TTC21B: variants seen among roughly 807,000 people sequenced by gnomAD.
TTC21B encodes the protein tetratricopeptide repeat domain 21B.
In TTC21B, 127 loss-of-function variants were observed where a neutral mutation model predicts 175.1. The observed-to-expected ratio is 0.73, with a 90% CI of 0.63 to 0.84. TTC21B has a LOEUF of 0.84. TTC21B is among the 40% of genes least tolerant of loss of function. TTC21B has a pLI of 0.00. For synonymous variants in TTC21B, 524 were observed against 524.5 expected (o/e 1.00, Z 0.01); for missense variants, 1,561 against 1,558.3 (o/e 1.00, Z -0.03).
intron 22 of TTC21B, among the ~76,000 whole-genome samples, chr2:165,896,448 A>G (rs1171637544): frequency 6.6e-6 from 1 of 152,084 alleles, no homozygotes; most frequent in Admixed American, 6.6e-5. Flanking sequence ...TGATGCTTCC[A>G]TTCTATGATT....
chr2:165,918,478 G>A (rs1686265032), intron 13 of TTC21B, among the ~76,000 whole-genome samples: 1 of 152,106 alleles, frequency 6.6e-6, no homozygotes, highest in Non-Finnish European at 1.5e-5. Context: ...TGTATTTTTA[G>A]TAGCGACGGG....
intron 3 of TTC21B, chr2:165,948,595 C>T (rs1687660909): frequency 6.6e-6 from 1 of 152,220 alleles, no homozygotes; most frequent in Non-Finnish European, 1.5e-5. Flanking sequence ...ATCCTATTAG[C>T]TGTTACTGGA....
intron 27 of TTC21B, among the ~76,000 whole-genome samples, chr2:165,878,162 T>A (rs908421925): frequency 3.9e-5 from 6 of 152,156 alleles, no homozygotes; most frequent in Non-Finnish European, 7.4e-5. Context: ...CCACAAAATA[T>A]TAGCATTTTT....
chr2:165,943,284 T>A lies in TTC21B; in HGVS notation c.487A>T (p.Lys163Ter). The change falls in exon 5 of 29, where the codon AAA (lysine) becomes TAA (stop). Residue 163 changes from lysine to a stop codon, truncating the protein, a stop_gained. Coordinates refer to ENST00000243344, the MANE Select transcript of TTC21B (RefSeq NM_024753.5). LOFTEE classifies it high-confidence loss of function. ...CCCTCTTCAAAATACTTCAGTGCTT[T>A]TTTAGTGTAAGGCTCTTTTCCTCTT... ...ITRGKEPYTK[K>*]ALKYFEEGLQ... 1 of 1,612,758 alleles carries A rather than the reference T, an allele frequency of 6.2e-7. No individual in the cohort carries two copies. The highest frequency in any genetic ancestry group is 8.5e-7 in the Non-Finnish European group (1 of 1,178,768).
intron 20 of TTC21B, 127 bp downstream of exon 20, chr2:165,901,595 T>G (rs1441698496): frequency 4.5e-6 from 4 of 894,910 alleles, no homozygotes; most frequent in Non-Finnish European, 7.3e-6. Flanking sequence ...AGGGCTGGGA[T>G]TATAGGCATC....
At chr2:165,915,572 A>G (rs1250716616) in intron 14 of TTC21B, 133 bp from the exon 15 acceptor site, 14 of 878,526 alleles carry the variant, frequency 1.6e-5, no homozygotes, top group African/African-American at 3.4e-5. Context: ...AATTGATAGA[A>G]TTTTCTGAAA....
In TTC21B at chr2:165,883,851, T is replaced by C. The variant is rs960827061; in HGVS notation, c.3627A>G (p.Gln1209=). 3 of 1,614,018 alleles carry C rather than the reference T, an allele frequency of 1.9e-6. No homozygotes were observed. Among genetic ancestry groups the C allele is most frequent in the African/African-American group, 1.3e-5 (1 of 74,934 alleles). ...SWLLLADIYI[Q]SAKYDMAEDL... ...CTTCTGCCATGTCATATTTTGCTGA[T>C]TGAATGTAAATATCAGCAAGTAGCA... The change falls in exon 26 of 29, where the codon CAA becomes CAG. Residue 1209 remains glutamine (Q), a synonymous_variant. Transcript: ENST00000243344.
intron 6 of TTC21B, among the ~76,000 whole-genome samples, chr2:165,937,704 A>G (rs1316007308): frequency 6.6e-6 from 1 of 150,490 alleles, no homozygotes; most frequent in East Asian, 2.0e-4. Context: ...TTAAAAGTAC[A>G]TTATGAGTCT....
At chr2:165,890,403 T>A in intron 24 of TTC21B, 76 bp downstream of exon 24, 1 of 1,397,126 alleles carries the variant, frequency 7.2e-7, no homozygotes, top group Non-Finnish European at 1.0e-6. Context: ...CTAAATTTAG[T>A]TCTTTTGTAT....
At chr2:165,928,440 G>A (rs2105341989) in intron 11 of TTC21B, among the ~76,000 whole-genome samples, 1 of 152,184 alleles carries the variant, frequency 6.6e-6, no homozygotes, top group Non-Finnish European at 1.5e-5. Context: ...TCTAGTTCTT[G>A]CAGGTCAAAT....
At chr2:165,941,807 T>C (rs1342010840) in intron 5 of TTC21B, among the ~76,000 whole-genome samples, 2 of 152,128 alleles carry the variant, frequency 1.3e-5, no homozygotes, top group African/African-American at 2.4e-5. Flanking sequence ...AAATGTTAAG[T>C]AATCATTAAA....
Position 165,879,109 on chromosome 2 carries a change from C to T in TTC21B, c.3805+1570G>A, listed in dbSNP as rs555445017. Among the ~76,000 whole-genome samples, 5 of 152,036 alleles carry T rather than the reference C, an allele frequency of 3.3e-5. No homozygotes were observed. The South Asian group carries it at 6.2e-4, about 19-fold the overall frequency. On this transcript the variant is annotated intron_variant, in intron 27 of 28. Transcript: ENST00000243344. ...ATGAAATTGAGGAATTAATGGAGAGCCTTAGAAAGAAATGATTACCAAAGC... is the reference window on the plus strand; with the variant it reads ...ATGAAATTGAGGAATTAATGGAGAGTCTTAGAAAGAAATGATTACCAAAGC...
chr2:165,918,946 A>ATCATTT (rs908926043), intron 13 of TTC21B, among the ~76,000 whole-genome samples: 4 of 152,222 alleles, frequency 2.6e-5, no homozygotes, highest in Non-Finnish European at 4.4e-5. Context: ...CATAAGGATC[A>ATCATTT]TCATTTTTAT....
chr2:165,891,353 A>G (rs1685185808), intron 22 of TTC21B, among the ~76,000 whole-genome samples: 1 of 152,200 alleles, frequency 6.6e-6, no homozygotes, highest in Non-Finnish European at 1.5e-5. Flanking sequence ...GGACAAGTTC[A>G]CTGTCGGTCT....
In TTC21B at chr2:165,926,855, T is replaced by C. The variant is rs763806858; in HGVS notation, c.1387-2177A>G. ...TGCCCTTGAACATTGGACTCCAAGT[T>C]CTTCAGCTTTGGGACTCGGACTGGC... On this transcript the variant is annotated intron_variant, in intron 11 of 28. Coordinates refer to ENST00000243344, the MANE Select transcript of TTC21B (RefSeq NM_024753.5). Among the ~76,000 whole-genome samples, 169 of 151,490 alleles carry C rather than the reference T, an allele frequency of 1.1e-3. 1 individual carries two copies. The highest frequency in any genetic ancestry group is 3.8e-4 in the Non-Finnish European group (26 of 67,942).
chr2:165,891,473 A>G (rs986025261), intron 22 of TTC21B, among the ~76,000 whole-genome samples: 2 of 152,132 alleles, frequency 1.3e-5, no homozygotes, highest in African/African-American at 4.8e-5. Flanking sequence ...TCTCTCTTTG[A>G]TATGTACATG....
intron 21 of TTC21B, 64 bp from the exon 22 acceptor site, chr2:165,898,831 T>C: frequency 9.7e-7 from 1 of 1,026,896 alleles, no homozygotes; most frequent in Non-Finnish European, 1.5e-6. Context: ...GTTCTTCCAA[T>C]CAAGATTTAG....
At chr2:165,888,031 T>C (rs1223575121) in intron 25 of TTC21B, among the ~76,000 whole-genome samples, 1 of 152,190 alleles carries the variant, frequency 6.6e-6, no homozygotes, top group African/African-American at 2.4e-5. Flanking sequence ...TTATATACTT[T>C]TGAAGAATTC....
chr2:165,949,418 C>CAT lies in TTC21B; in HGVS notation c.236_237dup (p.Ala80MetfsTer5). On this transcript the variant is annotated frameshift_variant, in exon 3 of 29. Transcript: ENST00000243344. LOFTEE classifies it high-confidence loss of function. ...CCTGGATTAGGACTCATTTTATGGG[C>CAT]ATATATCAGTGCAAGTAGAGAACAA... 6.2e-7 allele frequency: 1 copy of CAT among 1,612,634 alleles called. No individual in the cohort carries two copies. The highest frequency in any genetic ancestry group is 8.5e-7 in the Non-Finnish European group (1 of 1,178,832).
Sources: gnomAD v4.1 joint callset for allele counts (sites outside exome capture counted in the v4.1 genomes callset) on GRCh38, gnomAD v4.1.1 for gene constraint, MANE v1.5 for transcripts, NCBI Gene and HGNC (gene_info 2026-07-23, HGNC 2026-07-21) for gene names.